Variants in KLF7 observed in about 807,000 individuals in gnomAD.
KLF7 encodes KLF transcription factor 7, also known as Krueppel-like factor 7.
KLF7 carries 2 observed loss-of-function variants against 27.3 expected under a neutral mutation model. That is an observed-to-expected ratio of 0.07 (90% CI 0.03 to 0.23). KLF7 has a LOEUF of 0.23. Among genes scored for constraint, KLF7 ranks in the 10% least tolerant of loss-of-function variants. The pLI, the probability that KLF7 is intolerant of heterozygous loss-of-function variation, is 1.00. For synonymous variants in KLF7, 165 were observed against 162.4 expected, an observed-to-expected ratio of 1.02 and a Z score of -0.12; for missense variants, 221 against 394.1, an observed-to-expected ratio of 0.56 and a Z score of 3.72.
intron 2 of KLF7, among the ~76,000 whole-genome samples, chr2:207,095,589 G>A (rs143666026): frequency 2.6e-5 from 4 of 152,288 alleles, no homozygotes; most frequent in African/African-American, 7.2e-5. Context: ...ACATAGCAAC[G>A]AGCGCTTGAA....
intron 2 of KLF7, among the ~76,000 whole-genome samples, chr2:207,093,767 C>T (rs1187807646): frequency 2.0e-5 from 3 of 152,214 alleles, no homozygotes; most frequent in African/African-American, 7.2e-5. Context: ...AACCTGAATA[C>T]ACCTAGAGGG....
intron 1 of KLF7, among the ~76,000 whole-genome samples, chr2:207,160,369 A>C (rs142273015): frequency 6.6e-6 from 1 of 152,300 alleles, no homozygotes; most frequent in Admixed American, 6.5e-5. Context: ...CTTTCAGCAA[A>C]TCGCAGTTCT....
intron 2 of KLF7, among the ~76,000 whole-genome samples, chr2:207,096,525 T>C (rs1403652272): frequency 6.6e-6 from 1 of 152,154 alleles, no homozygotes; most frequent in African/African-American, 2.4e-5. Context: ...GTTAACCAGG[T>C]GCAGTGGGAA....
At chr2:207,145,956 C>T (rs568120102) in intron 1 of KLF7, among the ~76,000 whole-genome samples, 1 of 152,272 alleles carries the variant, frequency 6.6e-6, no homozygotes, top group African/African-American at 2.4e-5. Flanking sequence ...TAAATTATAG[C>T]GATGAAATTG....
chr2:207,117,677 A>T (rs1043882723), intron 2 of KLF7, among the ~76,000 whole-genome samples: 1 of 152,208 alleles, frequency 6.6e-6, no homozygotes, highest in Non-Finnish European at 1.5e-5. Context: ...ACAGTTCCAC[A>T]CTGAGGTATT....
At chr2:207,166,813 C>T (rs1288447929), upstream of KLF7, 1 of 1,010,506 alleles carries the variant, frequency 9.9e-7, no homozygotes, top group Non-Finnish European at 1.2e-6. Flanking sequence ...CACGGGCTGC[C>T]AGGGTGCAGA....
At chr2:207,102,076 T>G (rs1257228347) in intron 2 of KLF7, among the ~76,000 whole-genome samples, 1 of 151,038 alleles carries the variant, frequency 6.6e-6, no homozygotes, top group Non-Finnish European at 1.5e-5. Context: ...TAGGAATCAT[T>G]GGGAAGAAAA....
intron 2 of KLF7, among the ~76,000 whole-genome samples, chr2:207,109,791 A>G (rs1340580943): frequency 1.3e-5 from 2 of 152,154 alleles, no homozygotes; most frequent in African/African-American, 4.8e-5. Flanking sequence ...TCAAGATAAT[A>G]TTACTAATTC....
At chr2:207,088,058 TA>T (rs1407865147) in intron 3 of KLF7, among the ~76,000 whole-genome samples, 2 of 152,220 alleles carry the variant, frequency 1.3e-5, no homozygotes, top group Non-Finnish European at 2.9e-5. Context: ...GCAAGCTTTC[TA>T]CTCTTTCTTA....
At chr2:207,130,135 G>A (rs948399378) in intron 1 of KLF7, among the ~76,000 whole-genome samples, 2 of 93,156 alleles carry the variant, frequency 2.1e-5, no homozygotes, top group African/African-American at 6.7e-5. Flanking sequence ...TTACCTAAAG[G>A]GTTTCTTTCC....
rs897236166 is a variant in KLF7 at position 207,165,601 on chromosome 2, C to T, written c.-33G>A. ...CTGCCGGGCAAAACGGGAGGCGAAA[C>T]CCTCCCCCGAACACAGTTGGGGCTG... On this transcript the variant is annotated 5_prime_UTR_variant, in exon 1 of 4. Coordinates refer to ENST00000309446, the MANE Select transcript of KLF7 (RefSeq NM_003709.4). 7 of 1,612,264 alleles carry T rather than the reference C, an allele frequency of 4.3e-6. No individual in the cohort carries two copies. In the African/African-American group the frequency reaches 5.3e-5, roughly 12 times the overall value.
chr2:207,102,669 T>G lies in KLF7; in HGVS notation c.734-14088A>C, dbSNP rs1047322778. On this transcript the variant is annotated intron_variant, in intron 2 of 3. Coordinates refer to ENST00000309446, the MANE Select transcript of KLF7 (RefSeq NM_003709.4). ...TACATTTAGAATTTCAGAACTCAAGTTTTCTGTTAAAATGTCTGCATTAAA... is the reference window on the plus strand; with the variant it reads ...TACATTTAGAATTTCAGAACTCAAGGTTTCTGTTAAAATGTCTGCATTAAA... Among the ~76,000 whole-genome samples the G allele has an allele frequency of 4.4e-4, 67 of 152,314 alleles. 1 individual carries two copies. Among genetic ancestry groups the G allele is most frequent in the African/African-American group, 1.6e-3 (65 of 41,570 alleles).
chr2:207,158,055 C>G (rs763450244), intron 1 of KLF7, among the ~76,000 whole-genome samples: 12 of 152,106 alleles, frequency 7.9e-5, no homozygotes, highest in Non-Finnish European at 1.6e-4. Flanking sequence ...AGGGAAATAT[C>G]TGGAGGTGGA....
In KLF7 at chr2:207,076,496, T is replaced by C. The variant is rs1215425160; in HGVS notation, c.*4717A>G. 6 of 152,184 alleles carry C rather than the reference T, an allele frequency of 3.9e-5. No homozygotes were observed. Among genetic ancestry groups the C allele is most frequent in the African/African-American group, 1.4e-4 (6 of 41,432 alleles). 9.4% of individuals were successfully genotyped at this position (152,184 alleles called of 1,614,324 possible). A position where few individuals can be genotyped will look rare whatever the true frequency, so the allele number is the denominator to read the frequency against. On this transcript the variant is annotated 3_prime_UTR_variant, in exon 4 of 4. Transcript: ENST00000309446. ...CACATAAGAAAGTTAACTGCAGCTT[T>C]ATTTTTCCCTTTTCTGGGATCTATT... is the stretch of plus-strand genomic sequence containing the variant.
intron 2 of KLF7, among the ~76,000 whole-genome samples, chr2:207,113,400 G>A (rs554193589): frequency 1.3e-5 from 2 of 152,282 alleles, no homozygotes; most frequent in African/African-American, 4.8e-5. Flanking sequence ...AAGGCAGGAT[G>A]AGGGGCCGCA....
upstream of KLF7, chr2:207,167,096 G>A (rs1032166723): frequency 5.4e-5 from 75 of 1,398,870 alleles, no homozygotes; most frequent in East Asian, 2.2e-3. Flanking sequence ...GGCGCAAGCT[G>A]GAGCCGGCAG....
chr2:207,138,941 G>A (rs2077863464), intron 1 of KLF7, among the ~76,000 whole-genome samples: 1 of 152,214 alleles, frequency 6.6e-6, no homozygotes. Context: ...AATAACTTGA[G>A]TTCTTCCTTG....
chr2:207,160,059 C>T (rs1407635485), intron 1 of KLF7, among the ~76,000 whole-genome samples: 1 of 152,112 alleles, frequency 6.6e-6, no homozygotes, highest in Non-Finnish European at 1.5e-5. Flanking sequence ...TATGTATATT[C>T]TACAATGAGT....
intron 1 of KLF7, among the ~76,000 whole-genome samples, chr2:207,153,314 G>C (rs750473334): frequency 8.5e-5 from 13 of 152,172 alleles, no homozygotes; most frequent in Admixed American, 3.3e-4. Flanking sequence ...CAAAGCTAGT[G>C]AGAACTGGGG....
Sources: allele counts gnomAD v4.1 joint callset (sites outside exome capture counted in the v4.1 genomes callset), GRCh38; gene constraint gnomAD v4.1.1; transcripts MANE v1.5; gene names NCBI Gene and HGNC (gene_info 2026-07-23, HGNC 2026-07-21).